The following FAM83G variants were observed in gnomAD, a reference collection of about 807,000 sequenced individuals.
FAM83G encodes the protein protein FAM83G.
Under a neutral mutation model 61.5 loss-of-function variants are expected in FAM83G, and 38 were observed. The observed-to-expected ratio is 0.62, with a 90% CI of 0.48 to 0.81. The LOEUF (loss-of-function observed/expected upper bound fraction) is 0.81, where lower values mean the gene tolerates loss of function less well. Ranked by LOEUF, FAM83G falls within the 30% of genes least tolerant of loss-of-function variation. FAM83G has a pLI of 0.00. For missense variants in FAM83G, 989 were observed against 1,133.6 expected (o/e 0.87, Z 1.83); for synonymous variants, 470 against 476.1 (o/e 0.99, Z 0.17).
At chr17:18,981,251 G>A (rs2043125302) in intron 3 of FAM83G, among the ~76,000 whole-genome samples, 1 of 152,112 alleles carries the variant, frequency 6.6e-6, no homozygotes, top group African/African-American at 2.4e-5. Context: ...AGGGGGAGGT[G>A]GGGAAGCATT....
intron 5 of FAM83G, among the ~76,000 whole-genome samples, chr17:18,972,064 T>C (rs778662560): frequency 6.6e-6 from 1 of 152,158 alleles, no homozygotes; most frequent in Non-Finnish European, 1.5e-5. Context: ...TTGGAGGCAA[T>C]GCAGGAGTTT....
At chr17:18,992,105 G>A (rs1382482689) in intron 2 of FAM83G, among the ~76,000 whole-genome samples, 3 of 152,132 alleles carry the variant, frequency 2.0e-5, no homozygotes, top group Non-Finnish European at 4.4e-5. Flanking sequence ...AAACACCTCC[G>A]GCATGTCTGT....
chr17:19,005,876 C>A (rs1306810723), upstream of FAM83G, among the ~76,000 whole-genome samples: 1 of 152,246 alleles, frequency 6.6e-6, no homozygotes. Context: ...GCATCCTCCT[C>A]CTGCCCCAGG....
At position 18,978,749 on chromosome 17, in the gene FAM83G, A is replaced by G; in HGVS notation, c.917T>C (p.Met306Thr). The G allele has an allele frequency of 1.2e-6, 2 of 1,612,952 alleles. No homozygotes were observed. Among genetic ancestry groups the G allele is most frequent in the Non-Finnish European group, 8.5e-7 (1 of 1,179,994 alleles). The change falls in exon 5 of 6, where the codon ATG (methionine) becomes ACG (threonine). Residue 306 changes from methionine (M) to threonine (T), a missense_variant. By Grantham distance (81) the Met-to-Thr change is moderately conservative. Transcript: ENST00000388995. Reference sequence around the variant, plus strand: ...GCCCTTGAGGCTCACACTGTGTGACATGAGGTACAGCTCCTGGAACTGCCG... The same window carrying G: ...GCCCTTGAGGCTCACACTGTGTGACGTGAGGTACAGCTCCTGGAACTGCCG... ...FDRQFQELYL[M>T]SHSVSLKGIP...
intron 5 of FAM83G, among the ~76,000 whole-genome samples, chr17:18,972,348 G>A (rs2042875812): frequency 6.6e-6 from 1 of 152,248 alleles, no homozygotes; most frequent in Admixed American, 6.5e-5. Context: ...TCTGTGGAAT[G>A]AACGATCACA....
chr17:19,002,380 G>A (rs2043753009), intron 2 of FAM83G, among the ~76,000 whole-genome samples: 1 of 152,222 alleles, frequency 6.6e-6, no homozygotes, highest in Non-Finnish European at 1.5e-5. Context: ...CCAGGGCCAG[G>A]GGCCACCTCA....
rs1214829406 is a variant in FAM83G, at chr17:19,004,228, G to T, written c.-128-59C>A. On this transcript the variant is annotated intron_variant, in intron 1 of 5. Transcript: ENST00000388995. This position sits in a 1 kb window ranked among gnomAD's most constrained non-coding sequence, Gnocchi z 5.4. ...GGGAGGGCGGGCCGCGCGGGGAGGGGCGGCGGGGGCGGGGCCGGGAACTCA... is the reference window on the plus strand; with the variant it reads ...GGGAGGGCGGGCCGCGCGGGGAGGGTCGGCGGGGGCGGGGCCGGGAACTCA... The T allele has an allele frequency of 3.6e-6, 2 of 552,892 alleles. No individual in the cohort carries two copies. The highest frequency in any genetic ancestry group is 4.0e-5 in the African/African-American group (2 of 49,390). 34.2% of individuals were successfully genotyped at this position (552,892 alleles called of 1,614,324 possible). A position where few individuals can be genotyped will look rare whatever the true frequency, so the allele number is the denominator to read the frequency against.
At chr17:18,990,977 A>C (rs1291097956) in intron 2 of FAM83G, among the ~76,000 whole-genome samples, 1 of 152,156 alleles carries the variant, frequency 6.6e-6, no homozygotes, top group East Asian at 1.9e-4. Context: ...TCTGCACAAG[A>C]GACTGGGCAT....
Position 18,977,004 on chromosome 17 carries a change from G to A in FAM83G, c.2082+580C>T, listed in dbSNP as rs374026119. On this transcript the variant is annotated intron_variant, in intron 5 of 5. Transcript: ENST00000388995. ...ATTGTTCCCAGGTAGGACGGGCTCC[G>A]GGCACTGAACCCAGGCTGCAGGGCA... is the stretch of plus-strand genomic sequence containing the variant. The A allele has an allele frequency of 8.3e-5, 134 of 1,610,312 alleles. 1 individual carries two copies. Among genetic ancestry groups the A allele is most frequent in the Admixed American group, 3.2e-4 (19 of 59,992 alleles).
intron 3 of FAM83G, among the ~76,000 whole-genome samples, chr17:18,982,002 C>T (rs2043149727): frequency 6.6e-6 from 1 of 152,238 alleles, no homozygotes; most frequent in Non-Finnish European, 1.5e-5. Context: ...CCCTCCTTAG[C>T]CTGGAAAATC....
At chr17:18,978,881 C>A (rs757160602) in intron 4 of FAM83G, 31 bp from the exon 5 acceptor site, 5 of 1,605,236 alleles carry the variant, frequency 3.1e-6, no homozygotes, top group African/African-American at 1.3e-5. Context: ...GCTGGTCAGG[C>A]ACATGACCCT....
chr17:18,978,564 G>C lies in FAM83G; in HGVS notation c.1102C>G (p.Gln368Glu), dbSNP rs959408707. 6 of 1,613,262 alleles carry C rather than the reference G, an allele frequency of 3.7e-6. No individual in the cohort carries two copies. Among genetic ancestry groups the C allele is most frequent in the Non-Finnish European group, 4.2e-6 (5 of 1,180,004 alleles). The change falls in exon 5 of 6, where the codon CAG (glutamine) becomes GAG (glutamate). Residue 368 changes from glutamine to glutamate, a missense_variant. By Grantham distance (29) the Gln-to-Glu change is conservative. This residue lies in a region of FAM83G where 574 missense variants were observed against 645.1 expected (regional missense o/e 0.89). Transcript: ENST00000388995. ...AGCCCCAGGGGCTTCTTGGCCTCCT[G>C]CTTCTCAGAGGAGATCTTGGCAATC... is the stretch of plus-strand genomic sequence containing the variant. Reference protein sequence around the residue: ...DEIAKISSEKQEAKKPLGLKG... With the variant: ...DEIAKISSEKEEAKKPLGLKG...
Position 18,977,362 on chromosome 17 carries a change from T to C in FAM83G, c.2082+222A>G, listed in dbSNP as rs574196673. ...AACGTGCATTTTCTTAGGTTGCCTT[T>C]TCAGGATGCTGGGACCAAGAGTCCC... On this transcript the variant is annotated intron_variant, in intron 5 of 5. Transcript: ENST00000388995. The C allele has an allele frequency of 1.9e-4, 115 of 593,290 alleles. 1 individual carries two copies. The highest frequency in any genetic ancestry group is 3.2e-4 in the Non-Finnish European group (109 of 344,416). 36.8% of individuals were successfully genotyped at this position (593,290 alleles called of 1,614,324 possible).
At chr17:18,991,516 G>A (rs1903251852) in intron 2 of FAM83G, among the ~76,000 whole-genome samples, 1 of 152,176 alleles carries the variant, frequency 6.6e-6, no homozygotes, top group Admixed American at 6.5e-5. Flanking sequence ...AATGAGAGGG[G>A]AGGCTGACTC....
At chr17:19,001,142 G>A (rs1055081688) in intron 2 of FAM83G, among the ~76,000 whole-genome samples, 4 of 152,176 alleles carry the variant, frequency 2.6e-5, no homozygotes, top group Admixed American at 1.3e-4. Context: ...ATTATAAAGC[G>A]CCTCGCACTC....
Position 18,977,574 on chromosome 17 carries a change from C to T in FAM83G, c.2082+10G>A, listed in dbSNP as rs911984177. On this transcript the variant is annotated intron_variant, in intron 5 of 5. Transcript: ENST00000388995. Reference sequence around the variant, plus strand: ...CTCGTGACCCCTGGTGTGCAGGGACCCTGACCCACCTGTGCCTCCTTGTCT... The same window carrying T: ...CTCGTGACCCCTGGTGTGCAGGGACTCTGACCCACCTGTGCCTCCTTGTCT... The T allele has an allele frequency of 6.2e-7, 1 of 1,605,046 alleles. No homozygotes were observed.
At position 19,000,877 on chromosome 17, in the gene FAM83G, G is replaced by A. The variant is rs532557705; in HGVS notation, c.522+2643C>T. ...GCCCCGTCAGCATCCGTCAGTGTCC[G>A]GGCCCTGCCCCTGTGAGCCTGGGAA... On this transcript the variant is annotated intron_variant, in intron 2 of 5. Coordinates refer to ENST00000388995, the MANE Select transcript of FAM83G (RefSeq NM_001039999.3). The surrounding 1 kb of genome is among the most constrained non-coding windows in gnomAD (Gnocchi z 5.2). Among the ~76,000 whole-genome samples, 40 of 152,266 alleles carry A rather than the reference G, an allele frequency of 2.6e-4. No homozygotes were observed. Among genetic ancestry groups the A allele is most frequent in the Non-Finnish European group, 2.2e-4 (15 of 68,012 alleles).
At chr17:18,987,397 T>G (rs79909463) in intron 3 of FAM83G, among the ~76,000 whole-genome samples, 1 of 152,192 alleles carries the variant, frequency 6.6e-6, no homozygotes, top group Non-Finnish European at 1.5e-5. Flanking sequence ...GCACGGCCAA[T>G]GCAAGAGAAG....
rs766692916 is a variant in FAM83G at position 18,977,741 on chromosome 17, G to A, written c.1925C>T (p.Thr642Ile). The change falls in exon 5 of 6, where the codon ACC (threonine) becomes ATC (isoleucine). Residue 642 changes from threonine (T) to isoleucine (I), a missense_variant. Physicochemically the swap from Thr to Ile is moderately conservative, Grantham distance 89. Around this residue, in one of 3 missense-constraint regions of FAM83G, gnomAD observed 574 missense variants for 645.1 expected, o/e 0.89. Coordinates refer to ENST00000388995, the MANE Select transcript of FAM83G (RefSeq NM_001039999.3). Reference protein sequence around the residue: ...RHSEQVANGPTPPPRRQLSAP... With the variant: ...RHSEQVANGPIPPPRRQLSAP... ...ACTCAGCTGCCGGCGCGGTGGTGGG[G>A]TTGGCCCGTTGGCCACTTGCTCTGA... 13 of 1,605,542 alleles carry A rather than the reference G, an allele frequency of 8.1e-6. No individual in the cohort carries two copies. Among genetic ancestry groups the A allele is most frequent in the Non-Finnish European group, 1.1e-5 (13 of 1,176,598 alleles).
Sources: gnomAD v4.1 joint callset for allele counts (sites outside exome capture counted in the v4.1 genomes callset) on GRCh38, gnomAD v4.1.1 for gene constraint, gnomAD v4.1.1 regional missense constraint, Gnocchi (gnomAD v3.1) non-coding constraint, MANE v1.5 for transcripts, NCBI Gene and HGNC (gene_info 2026-07-23, HGNC 2026-07-21) for gene names.